CSTL1: variants seen among roughly 807,000 people sequenced by gnomAD.
CSTL1 encodes the protein cystatin like 1.
Under a neutral mutation model 14.4 loss-of-function variants are expected in CSTL1, and 14 were observed. The observed-to-expected ratio is 0.97, with a 90% confidence interval of 0.64 to 1.52. CSTL1 has a LOEUF of 1.52. CSTL1 is among the 40% of genes most tolerant of loss of function. The pLI is 0.00. For synonymous variants in CSTL1, 72 were observed against 67.5 expected, an observed-to-expected ratio of 1.07 and a Z score of -0.33; for missense variants, 170 against 168.7, an observed-to-expected ratio of 1.01 and a Z score of -0.04.
downstream of CSTL1, among the ~76,000 whole-genome samples, chr20:23,447,461 C>CTTTTTTT (rs374794510): frequency 6.9e-6 from 1 of 143,986 alleles, no homozygotes; most frequent in Admixed American, 6.8e-5. Flanking sequence ...CTTTTCTTTT[C>CTTTTTTT]TTTTTCTTTT....
intron 3 of CSTL1, 115 bp from the exon 4 acceptor site, chr20:23,444,656 C>T (rs948858521): frequency 8.9e-6 from 6 of 673,314 alleles, no homozygotes; most frequent in Non-Finnish European, 1.6e-5. Context: ...GGCAGCTCCC[C>T]TCTCTGCCCA....
At chr20:23,452,533 C>A in the CSTL1 span, 2 of 1,206,566 alleles carry the variant, frequency 1.7e-6, no homozygotes, top group Non-Finnish European at 2.5e-6. Context: ...CCAGTGGCCA[C>A]CCGATGTGGG....
downstream of CSTL1, among the ~76,000 whole-genome samples, chr20:23,446,259 T>A (rs1242079162): frequency 6.6e-6 from 1 of 151,666 alleles, no homozygotes. Flanking sequence ...CTTTCTTTTT[T>A]TTTTTTCTTT....
At chr20:23,453,637 A>G in the CSTL1 span, among the ~76,000 whole-genome samples, 2 of 152,120 alleles carry the variant, frequency 1.3e-5, no homozygotes, top group Non-Finnish European at 2.9e-5. Flanking sequence ...TAGTGCGGTT[A>G]TGTTCGATTC....
At chr20:23,441,582 G>C (rs981076090) in intron 2 of CSTL1, among the ~76,000 whole-genome samples, 4 of 152,064 alleles carry the variant, frequency 2.6e-5, no homozygotes, top group African/African-American at 9.7e-5. Flanking sequence ...CCCACATATG[G>C]TAAATCATTT....
At chr20:23,450,739 T>C in the CSTL1 span, 3 of 521,714 alleles carry the variant, frequency 5.8e-6, no homozygotes, top group East Asian at 5.7e-5. Context: ...GGACATTTTC[T>C]GGAATGATCC....
At chr20:23,443,847 C>A (rs1986896842) in intron 2 of CSTL1, 87 bp from the exon 3 acceptor site, 3 of 926,142 alleles carry the variant, frequency 3.2e-6, no homozygotes, top group Non-Finnish European at 5.1e-6. Flanking sequence ...GCCCTGGGAG[C>A]TTTACTCTCA....
the CSTL1 span, chr20:23,451,750 C>G: frequency 2.5e-6 from 3 of 1,194,688 alleles, no homozygotes; most frequent in Non-Finnish European, 3.7e-6. Context: ...CCAACTCATT[C>G]TAAAGCCACA....
the CSTL1 span, among the ~76,000 whole-genome samples, chr20:23,456,329 C>T: frequency 6.6e-6 from 1 of 152,178 alleles, no homozygotes; most frequent in Admixed American, 6.5e-5. Flanking sequence ...CTTCTCCCTC[C>T]TGGAGGCTTG....
rs1005451830 is a variant in CSTL1 at position 23,443,962 on chromosome 20, C to A, written c.248C>A (p.Thr83Asn). 6 of 1,613,980 alleles carry A rather than the reference C, an allele frequency of 3.7e-6. No homozygotes were observed. Among genetic ancestry groups the A allele is most frequent in the Non-Finnish European group, 4.2e-6 (5 of 1,179,924 alleles). Reference sequence around the variant, plus strand: ...ACGACGGGAGTGGAGTATATAGTCACTGTGAAGATTGGCTGGACCAAATGC... The same window carrying A: ...ACGACGGGAGTGGAGTATATAGTCAATGTGAAGATTGGCTGGACCAAATGC... ...QLTTGVEYIV[T>N]VKIGWTKCKR... The change falls in exon 3 of 4, where the codon ACT becomes AAT. Residue 83 changes from threonine (T) to asparagine (N), a missense_variant. Transcript: ENST00000347397.
the CSTL1 span, among the ~76,000 whole-genome samples, chr20:23,457,856 A>T: frequency 6.6e-6 from 1 of 152,226 alleles, no homozygotes; most frequent in East Asian, 1.9e-4. Flanking sequence ...TGAAAGTCCC[A>T]CTGTAAACTG....
chr20:23,443,717 C>T (rs554955205), intron 2 of CSTL1, among the ~76,000 whole-genome samples: 1 of 152,324 alleles, frequency 6.6e-6, no homozygotes, highest in African/African-American at 2.4e-5. Flanking sequence ...CTTTCTGTGG[C>T]TGCTGCAGCA....
chr20:23,444,679 G>A, intron 3 of CSTL1, 92 bp from the exon 4 acceptor site: 1 of 782,114 alleles, frequency 1.3e-6, no homozygotes, highest in East Asian at 2.6e-5. Flanking sequence ...GGGTTCATGA[G>A]CAGCCACAGG....
At chr20:23,459,541 A>G in the CSTL1 span, 206 of 149,496 alleles carry the variant, frequency 1.4e-3, no homozygotes, top group African/African-American at 4.6e-3. Context: ...ACCACTGACA[A>G]TGTTCACACA....
chr20:23,442,850 G>A (rs994462806), intron 2 of CSTL1, among the ~76,000 whole-genome samples: 3 of 152,278 alleles, frequency 2.0e-5, no homozygotes, highest in East Asian at 1.9e-4. Context: ...CTCCTGCACC[G>A]GTGAAGATCC....
chr20:23,460,137 C>A, the CSTL1 span, among the ~76,000 whole-genome samples: 1 of 152,214 alleles, frequency 6.6e-6, no homozygotes, highest in Non-Finnish European at 1.5e-5. Context: ...TGCATTTATA[C>A]CGTTCTGGGA....
the CSTL1 span, chr20:23,452,761 C>T: frequency 6.2e-7 from 1 of 1,614,130 alleles, no homozygotes; most frequent in Admixed American, 1.7e-5. Context: ...CCATCAGAGT[C>T]AATAGAATGG....
the CSTL1 span, among the ~76,000 whole-genome samples, chr20:23,461,098 C>T: frequency 6.6e-6 from 1 of 152,200 alleles, no homozygotes; most frequent in East Asian, 1.9e-4. Flanking sequence ...CCAGTCTGAT[C>T]AGTCAGCAAC....
chr20:23,450,454 C>T, the CSTL1 span: 1 of 1,133,022 alleles, frequency 8.8e-7, no homozygotes, highest in African/African-American at 1.5e-5. Flanking sequence ...GATTATTGCC[C>T]ATTGCAGGAT....
Sources: gnomAD v4.1 joint callset for allele counts (sites outside exome capture counted in the v4.1 genomes callset) on GRCh38, gnomAD v4.1.1 for gene constraint, MANE v1.5 for transcripts, NCBI Gene and HGNC (gene_info 2026-07-23, HGNC 2026-07-21) for gene names.